Variants in DUSP29 observed in about 807,000 individuals in gnomAD.
The protein encoded by DUSP29 is dual specificity phosphatase 29.
Under a neutral mutation model 13.5 loss-of-function variants are expected in DUSP29, and 12 were observed. The ratio of observed to expected loss-of-function variants is 0.89; its 90% CI spans 0.57 to 1.44. The LOEUF (loss-of-function observed/expected upper bound fraction) is 1.44, where lower values mean the gene tolerates loss of function less well. Among genes scored for constraint, DUSP29 ranks in the 40% most tolerant of loss-of-function variants. The pLI, the probability that DUSP29 is intolerant of heterozygous loss-of-function variation, is 0.00. For synonymous variants in DUSP29, 134 were observed against 128.7 expected (o/e 1.04, Z -0.28); for missense variants, 308 against 301.1 (o/e 1.02, Z -0.17).
chr10:75,050,655 G>A (rs371750708), intron 2 of DUSP29, among the ~76,000 whole-genome samples: 4 of 152,264 alleles, frequency 2.6e-5, no homozygotes, highest in Admixed American at 6.5e-5. Context: ...GGACTGGGAC[G>A]CTGTGCCGAG....
intron 1 of DUSP29, among the ~76,000 whole-genome samples, chr10:75,068,927 T>G (rs752846601): frequency 6.6e-6 from 1 of 152,208 alleles, no homozygotes; most frequent in South Asian, 2.1e-4. Flanking sequence ...GGCCTATAAT[T>G]TAATTCCTAA....
intron 1 of DUSP29, among the ~76,000 whole-genome samples, chr10:75,059,303 A>G (rs986241590): frequency 2.0e-5 from 3 of 152,122 alleles, no homozygotes; most frequent in African/African-American, 7.2e-5. Flanking sequence ...AGGACTTTCC[A>G]TTGTCCCCAA....
intron 2 of DUSP29, among the ~76,000 whole-genome samples, chr10:75,057,935 C>A (rs1221805161): frequency 6.6e-6 from 1 of 152,192 alleles, no homozygotes; most frequent in African/African-American, 2.4e-5. Flanking sequence ...TCCCTCCACC[C>A]TCCTGCTGTC....
intron 1 of DUSP29, among the ~76,000 whole-genome samples, chr10:75,062,859 C>A (rs1409380219): frequency 1.3e-5 from 2 of 152,198 alleles, no homozygotes; most frequent in Non-Finnish European, 2.9e-5. Context: ...ATAATGAGAG[C>A]TGGGCAGGCT....
chr10:75,061,526 G>A (rs1329933954), intron 1 of DUSP29, among the ~76,000 whole-genome samples: 1 of 152,184 alleles, frequency 6.6e-6, no homozygotes, highest in Admixed American at 6.5e-5. Context: ...TCGTAGGGGC[G>A]CAGGCATCTG....
intron 2 of DUSP29, among the ~76,000 whole-genome samples, chr10:75,048,490 C>T (rs1466203920): frequency 6.6e-6 from 1 of 151,922 alleles, no homozygotes; most frequent in Non-Finnish European, 1.5e-5. Flanking sequence ...ACCTCCACCT[C>T]CCAGGTTCAA....
At chr10:75,046,748 G>A (rs561225168) in intron 2 of DUSP29, among the ~76,000 whole-genome samples, 22 of 152,252 alleles carry the variant, frequency 1.4e-4, no homozygotes, top group Admixed American at 3.3e-4. Context: ...TTCATTTTTC[G>A]TCTTGCCCCA....
chr10:75,066,762 A>G (rs1847211386), intron 1 of DUSP29, among the ~76,000 whole-genome samples: 1 of 152,018 alleles, frequency 6.6e-6, no homozygotes, highest in African/African-American at 2.4e-5. Context: ...CTCCAGTGGC[A>G]CCGAGTGCCT....
chr10:75,070,125 GGAAGGAAGGAAGGAA>G, intron 1 of DUSP29, among the ~76,000 whole-genome samples: 1 of 88,226 alleles, frequency 1.1e-5, no homozygotes, highest in Admixed American at 1.3e-4. Flanking sequence ...AAGGAAGGAA[GGAAGGAAGGAAGGAA>G]AAGAAAGAAA....
rs182738244 is a variant in DUSP29 at position 75,068,894 on chromosome 10, G to A, written c.-35+4675C>T. 2.2e-3 allele frequency among the ~76,000 whole-genome samples: 334 copies of A among 152,164 alleles called. 1 individual carries two copies. Among genetic ancestry groups the A allele is most frequent in the Non-Finnish European group, 3.3e-3 (226 of 67,982 alleles). ...TTTTTTTTAAAAAGAAAACTTGGAC[G>A]TAAAAACTCAGGAATTTTTTGTGGC... On this transcript the variant is annotated intron_variant, in intron 1 of 3. Transcript: ENST00000338487.
At chr10:75,053,587 TC>T (rs914151842) in intron 2 of DUSP29, among the ~76,000 whole-genome samples, 1 of 152,116 alleles carries the variant, frequency 6.6e-6, no homozygotes, top group Non-Finnish European at 1.5e-5. Flanking sequence ...CCGTGCTCCT[TC>T]CCCTCTAGTA....
At chr10:75,043,152 C>G (rs79557473) in intron 3 of DUSP29, among the ~76,000 whole-genome samples, 2 of 152,204 alleles carry the variant, frequency 1.3e-5, no homozygotes, top group African/African-American at 4.8e-5. Flanking sequence ...TCAAATACAG[C>G]GTGCCAGTAA....
At chr10:75,055,611 T>C (rs1207535449) in intron 2 of DUSP29, among the ~76,000 whole-genome samples, 1 of 152,196 alleles carries the variant, frequency 6.6e-6, no homozygotes, top group Non-Finnish European at 1.5e-5. Context: ...AGTGACTGTT[T>C]AGTGGGTTCA....
intron 3 of DUSP29, among the ~76,000 whole-genome samples, chr10:75,041,136 A>T (rs1846573047): frequency 6.6e-6 from 1 of 152,162 alleles, no homozygotes; most frequent in Admixed American, 6.5e-5. Context: ...GTCCAGCACT[A>T]AAATGCCAAG....
At position 75,043,843 on chromosome 10, in the gene DUSP29, G is replaced by A; in HGVS notation, c.375C>T (p.Phe125=). The part of the protein sequence containing the change: ...DLPTFDLSVF[F]YPAAAFIDRA... Reference sequence around the variant, plus strand: ...TGTCGATGAAGGCTGCCGCCGGGTAGAAGAAGACACTGAGGTCGAAGGTGG... The same window carrying A: ...TGTCGATGAAGGCTGCCGCCGGGTAAAAGAAGACACTGAGGTCGAAGGTGG... Residue 125 remains phenylalanine, a synonymous_variant, in exon 3 of 4, where the codon TTC becomes TTT. Transcript: ENST00000338487. 1 of 1,610,232 alleles carries A rather than the reference G, an allele frequency of 6.2e-7. No individual in the cohort carries two copies. Among genetic ancestry groups the A allele is most frequent in the Non-Finnish European group, 8.5e-7 (1 of 1,179,832 alleles).
rs573678454 is a variant in DUSP29 at position 75,052,017 on chromosome 10, T to TG, written c.200+6297dup. 3.3e-5 allele frequency among the ~76,000 whole-genome samples: 5 copies of TG among 152,364 alleles called. No individual in the cohort carries two copies. The East Asian group carries it at 9.7e-4, about 29-fold the overall frequency. ...GGGTGTAAAGTCTCACACACCTGTG[T>TG]GTGCTTGTATTGGGGCTCGATTAGG... On this transcript the variant is annotated intron_variant, in intron 2 of 3. Transcript: ENST00000338487.
intron 1 of DUSP29, among the ~76,000 whole-genome samples, chr10:75,064,823 T>A (rs972374617): frequency 4.6e-5 from 7 of 151,940 alleles, no homozygotes; most frequent in Admixed American, 3.3e-4. Flanking sequence ...TTTTTTTTTT[T>A]AACTAGGAAA....
intron 2 of DUSP29, among the ~76,000 whole-genome samples, chr10:75,048,029 A>G (rs1044984646): frequency 1.2e-4 from 18 of 152,328 alleles, no homozygotes; most frequent in Middle Eastern, 3.4e-3. Context: ...TTATATAGGT[A>G]TGTCCCAATT....
At chr10:75,038,643 T>G (rs1846519439) in intron 3 of DUSP29, among the ~76,000 whole-genome samples, 1 of 148,064 alleles carries the variant, frequency 6.8e-6, no homozygotes, top group Non-Finnish European at 1.5e-5. Flanking sequence ...TGTAGTTCAT[T>G]AAGCCTTTTG....
Sources: gnomAD v4.1 joint callset for allele counts (sites outside exome capture counted in the v4.1 genomes callset) on GRCh38, gnomAD v4.1.1 for gene constraint, MANE v1.5 for transcripts, NCBI Gene and HGNC (gene_info 2026-07-23, HGNC 2026-07-21) for gene names.